Variants in LAMA2 observed in about 807,000 individuals in gnomAD.
LAMA2 encodes the protein laminin subunit alpha-2.
LAMA2 carries 269 observed loss-of-function variants against 364.8 expected under a neutral mutation model. The ratio of observed to expected loss-of-function variants is 0.74; its 90% CI spans 0.67 to 0.82. LAMA2 has a LOEUF of 0.82. Ranked by LOEUF, LAMA2 falls within the 40% of genes least tolerant of loss-of-function variation. LAMA2 has a pLI of 0.00. For missense variants in LAMA2, 3,807 were observed against 3,873.2 expected (o/e 0.98, Z 0.45); for synonymous variants, 1,379 against 1,370.6 (o/e 1.01, Z -0.14).
chr6:129,401,875 C>A (rs1403611863), intron 38 of LAMA2, among the ~76,000 whole-genome samples: 1 of 152,062 alleles, frequency 6.6e-6, no homozygotes, highest in Non-Finnish European at 1.5e-5. Context: ...ATTCTCTATT[C>A]TTTTTGCTAT....
At chr6:129,442,191 G>A (rs1262424082) in intron 43 of LAMA2, 1 of 1,319,244 alleles carries the variant, frequency 7.6e-7, no homozygotes, top group East Asian at 5.0e-5. Context: ...TTTGAGTGGG[G>A]AATGGAGCCT....
chr6:129,036,813 T>A (rs1456430892), intron 1 of LAMA2, among the ~76,000 whole-genome samples: 1 of 152,176 alleles, frequency 6.6e-6, no homozygotes. Context: ...AACAACTGGA[T>A]TCAACCTTCT....
Position 129,129,644 on chromosome 6 carries a change from G to A in LAMA2, c.640-14257G>A, listed in dbSNP as rs1185778685. ...TTATCTTTTAAAATAACATATTTTG[G>A]CCGGGCGCGGTGGCTCACGCCTGTA... On this transcript the variant is annotated intron_variant, in intron 4 of 64. Coordinates refer to ENST00000421865, the MANE Select transcript of LAMA2 (RefSeq NM_000426.4). Among the ~76,000 whole-genome samples the A allele has an allele frequency of 4.6e-5, 7 of 152,250 alleles. No homozygotes were observed. The East Asian group carries it at 1.2e-3, about 25-fold the overall frequency.
At chr6:129,348,313 A>G (rs1019878527) in intron 30 of LAMA2, among the ~76,000 whole-genome samples, 6 of 152,238 alleles carry the variant, frequency 3.9e-5, no homozygotes, top group African/African-American at 1.4e-4. Context: ...CCTGACCAAA[A>G]GGAGCTGTGG....
chr6:129,389,274 G>A (rs1366126029), intron 35 of LAMA2, among the ~76,000 whole-genome samples: 1 of 152,196 alleles, frequency 6.6e-6, no homozygotes, highest in Admixed American at 6.5e-5. Flanking sequence ...AACCATGGCT[G>A]TCTTAGCCCA....
At chr6:129,013,377 C>A (rs975840750) in intron 1 of LAMA2, among the ~76,000 whole-genome samples, 2 of 151,550 alleles carry the variant, frequency 1.3e-5, no homozygotes, top group Non-Finnish European at 2.9e-5. Context: ...GCGGAGCCTG[C>A]AGGGAGCCGA....
At chr6:129,129,090 A>G (rs1160254375) in intron 4 of LAMA2, among the ~76,000 whole-genome samples, 2 of 152,182 alleles carry the variant, frequency 1.3e-5, no homozygotes, top group Non-Finnish European at 2.9e-5. Flanking sequence ...ATCTTCCTCA[A>G]TTTTCAACTT....
In LAMA2 at chr6:129,267,154, A is replaced by G. The variant is rs758410015; in HGVS notation, c.2257A>G (p.Ile753Val). 4 of 1,613,466 alleles carry G rather than the reference A, an allele frequency of 2.5e-6. No homozygotes were observed. Among genetic ancestry groups the G allele is most frequent in the Non-Finnish European group, 3.4e-6 (4 of 1,179,522 alleles). The stretch of plus-strand genomic sequence containing the variant: ...AGTTAACGGCACTATTTTTGGTGGC[A>G]TCTGTGAGCCATGTCAGTGCTTTGG... ...RRVNGTIFGG[I>V]CEPCQCFGHA... The change falls in exon 16 of 65, where the codon ATC becomes GTC. Residue 753 changes from isoleucine to valine, a missense_variant. By Grantham distance (29) the Ile-to-Val change is conservative. Coordinates refer to ENST00000421865, the MANE Select transcript of LAMA2 (RefSeq NM_000426.4).
intron 12 of LAMA2, among the ~76,000 whole-genome samples, chr6:129,243,695 C>G (rs978633778): frequency 6.6e-6 from 1 of 151,534 alleles, no homozygotes; most frequent in Non-Finnish European, 1.5e-5. Context: ...GTTATCTTAT[C>G]AGGTTAAACT....
chr6:129,373,931 A>C (rs926822284), intron 34 of LAMA2, among the ~76,000 whole-genome samples: 1 of 152,144 alleles, frequency 6.6e-6, no homozygotes, highest in Non-Finnish European at 1.5e-5. Flanking sequence ...TTACTCTTTT[A>C]TGCCCTTTTC....
At chr6:128,963,336 C>T (rs1003594732) in intron 1 of LAMA2, among the ~76,000 whole-genome samples, 4 of 152,078 alleles carry the variant, frequency 2.6e-5, no homozygotes, top group Admixed American at 2.0e-4. Context: ...GGTTATATTA[C>T]TACTGTGAAA....
chr6:129,343,730 C>T (rs1776393786), intron 30 of LAMA2, among the ~76,000 whole-genome samples: 1 of 151,984 alleles, frequency 6.6e-6, no homozygotes, highest in South Asian at 2.1e-4. Context: ...TGGAGGAGCT[C>T]ACTGTAAAAC....
At chr6:129,197,580 A>G (rs1041431212) in intron 12 of LAMA2, among the ~76,000 whole-genome samples, 1 of 152,196 alleles carries the variant, frequency 6.6e-6, no homozygotes, top group Non-Finnish European at 1.5e-5. Flanking sequence ...CCTAAAATAT[A>G]TAACGCCAAG....
intron 3 of LAMA2, among the ~76,000 whole-genome samples, chr6:129,094,804 C>T (rs1183551405): frequency 6.6e-6 from 1 of 152,180 alleles, no homozygotes; most frequent in African/African-American, 2.4e-5. Flanking sequence ...ATCTCATTAT[C>T]TCTTCCCTGG....
chr6:128,978,591 C>T (rs933574541), intron 1 of LAMA2, among the ~76,000 whole-genome samples: 1 of 152,170 alleles, frequency 6.6e-6, no homozygotes, highest in Non-Finnish European at 1.5e-5. Context: ...GCTGGGATTA[C>T]AAGCGTGAGC....
At chr6:129,458,029 G>A (rs1211050545) in intron 48 of LAMA2, among the ~76,000 whole-genome samples, 1 of 152,006 alleles carries the variant, frequency 6.6e-6, no homozygotes. Flanking sequence ...ATTTTGAGAG[G>A]GACACAGACA....
At chr6:129,297,575 T>C (rs1396075160) in intron 20 of LAMA2, 110 bp from the exon 21 acceptor site, 1 of 985,550 alleles carries the variant, frequency 1.0e-6, no homozygotes, top group African/African-American at 1.6e-5. Flanking sequence ...TGAGGAATCC[T>C]GATAACTCCT....
chr6:129,066,077 G>A (rs1442768668), intron 3 of LAMA2, among the ~76,000 whole-genome samples: 2 of 44,134 alleles, frequency 4.5e-5, no homozygotes, highest in Non-Finnish European at 4.8e-5. Flanking sequence ...ACGCAGTCTC[G>A]CTCTGTCGCC....
chr6:129,438,711 C>T lies in LAMA2; in HGVS notation c.6034C>T (p.Leu2012Phe), dbSNP rs1781954595. The T allele has an allele frequency of 6.2e-7, 1 of 1,609,086 alleles. No homozygotes were observed. The highest frequency in any genetic ancestry group is 8.5e-7 in the Non-Finnish European group (1 of 1,175,882). Reference protein sequence around the residue: ...IENADARNGDLLRTLNDTLGK... With the variant: ...IENADARNGDFLRTLNDTLGK... ...AAATGCTGATGCTAGAAATGGGGAT[C>T]TCTTGAGAACTTTGAATGACACTTT... Residue 2012 changes from leucine to phenylalanine, a missense_variant, in exon 42 of 65, where the codon CTC (leucine) becomes TTC (phenylalanine). Physicochemically the swap from Leu to Phe is conservative, Grantham distance 22 (BLOSUM62 0). Coordinates refer to ENST00000421865, the MANE Select transcript of LAMA2 (RefSeq NM_000426.4).
Sources: allele counts gnomAD v4.1 joint callset (sites outside exome capture counted in the v4.1 genomes callset), GRCh38; gene constraint gnomAD v4.1.1; transcripts MANE v1.5; gene names NCBI Gene and HGNC (gene_info 2026-07-23, HGNC 2026-07-21).